Variants in HS3ST4 observed in about 807,000 individuals in gnomAD.
The protein encoded by HS3ST4 is heparan sulfate glucosamine 3-O-sulfotransferase 4.
A neutral mutation model predicts 29.2 loss-of-function variants in HS3ST4; 17 were observed. The observed-to-expected ratio is 0.58, with a 90% CI of 0.40 to 0.87. The LOEUF is 0.87. HS3ST4 is among the 40% of genes least tolerant of loss of function. The pLI is 0.00. For synonymous variants in HS3ST4, 314 were observed against 285.7 expected, an observed-to-expected ratio of 1.10 and a Z score of -1.00; for missense variants, 627 against 634.5, an observed-to-expected ratio of 0.99 and a Z score of 0.13.
chr16:25,909,726 A>AAAGC (rs1968216951), intron 1 of HS3ST4, among the ~76,000 whole-genome samples: 1 of 152,224 alleles, frequency 6.6e-6, no homozygotes, highest in African/African-American at 2.4e-5. Context: ...ACTAGTCTTT[A>AAAGC]TCGTGAGTCT....
At chr16:26,085,877 AAATAATAATAATAATAAT>A (rs57927146) in intron 1 of HS3ST4, among the ~76,000 whole-genome samples, 4 of 146,912 alleles carry the variant, frequency 2.7e-5, no homozygotes, top group African/African-American at 1.0e-4. Context: ...CTGTCTCTTA[AAATAATAATAATAATAAT>A]AATAATAATA....
At chr16:25,759,586 A>G (rs569478351) in intron 1 of HS3ST4, among the ~76,000 whole-genome samples, 200 of 152,230 alleles carry the variant, frequency 1.3e-3, no homozygotes, top group African/African-American at 4.7e-3. Context: ...GAGCCGAAGG[A>G]TGGAGTTCCG....
intron 1 of HS3ST4, among the ~76,000 whole-genome samples, chr16:25,851,317 A>G (rs1208327314): frequency 5.3e-5 from 8 of 152,136 alleles, no homozygotes; most frequent in African/African-American, 1.9e-4. Flanking sequence ...GCATGTTGCA[A>G]GTGGCTGTCA....
chr16:25,996,734 G>T (rs1259833495), intron 1 of HS3ST4, among the ~76,000 whole-genome samples: 1 of 151,738 alleles, frequency 6.6e-6, no homozygotes, highest in Non-Finnish European at 1.5e-5. Context: ...GGCTATTTGG[G>T]GAAACTTATT....
intron 1 of HS3ST4, chr16:25,825,790 C>A (rs780386332): frequency 6.6e-6 from 1 of 152,220 alleles, no homozygotes; most frequent in Non-Finnish European, 1.5e-5. Flanking sequence ...CATCATCATA[C>A]TAGCATTTCT....
chr16:26,026,808 G>A (rs945140495), intron 1 of HS3ST4, among the ~76,000 whole-genome samples: 1 of 152,182 alleles, frequency 6.6e-6, no homozygotes, highest in Non-Finnish European at 1.5e-5. Context: ...ATGAGAAATG[G>A]CACTGGTGCT....
At chr16:25,924,600 T>C (rs1185359142) in intron 1 of HS3ST4, among the ~76,000 whole-genome samples, 1 of 152,248 alleles carries the variant, frequency 6.6e-6, no homozygotes, top group East Asian at 1.9e-4. Flanking sequence ...TTACCCCATT[T>C]AAGCAAAATT....
chr16:25,826,958 G>A (rs1967223633), intron 1 of HS3ST4, among the ~76,000 whole-genome samples: 1 of 151,982 alleles, frequency 6.6e-6, no homozygotes, highest in Non-Finnish European at 1.5e-5. Flanking sequence ...GTGTGCCTTT[G>A]TTTGCAAGTA....
At chr16:25,890,941 TGG>T (rs35546380) in intron 1 of HS3ST4, among the ~76,000 whole-genome samples, 5,136 of 152,128 alleles carry the variant, frequency 0.034, 297 homozygotes, top group African/African-American at 0.12. Context: ...TGAAAATGGA[TGG>T]GGCTGGCTGG....
intron 1 of HS3ST4, among the ~76,000 whole-genome samples, chr16:25,705,745 T>A (rs1966372080): frequency 6.6e-6 from 1 of 152,178 alleles, no homozygotes; most frequent in African/African-American, 2.4e-5. Flanking sequence ...GATTTGAGTC[T>A]GAGTTCTGCA....
chr16:25,879,528 C>T (rs1463046308), intron 1 of HS3ST4, among the ~76,000 whole-genome samples: 2 of 152,024 alleles, frequency 1.3e-5, no homozygotes, highest in African/African-American at 2.4e-5. Flanking sequence ...TCTCCTGAGA[C>T]TTATTCACTG....
chr16:26,103,686 A>G (rs930334701), intron 1 of HS3ST4, among the ~76,000 whole-genome samples: 20 of 152,238 alleles, frequency 1.3e-4, no homozygotes, highest in Admixed American at 1.2e-3. Context: ...CAGCTTAATT[A>G]ATCTAACACT....
At chr16:25,987,747 A>G (rs1969077753) in intron 1 of HS3ST4, among the ~76,000 whole-genome samples, 1 of 151,932 alleles carries the variant, frequency 6.6e-6, no homozygotes, top group Non-Finnish European at 1.5e-5. Flanking sequence ...AGAAACTTAG[A>G]TCTGCAAGAT....
At chr16:25,704,154 C>T (rs1966357146) in intron 1 of HS3ST4, among the ~76,000 whole-genome samples, 1 of 152,210 alleles carries the variant, frequency 6.6e-6, no homozygotes, top group African/African-American at 2.4e-5. Flanking sequence ...ATGTACGATA[C>T]TCCAGGCTTC....
At chr16:26,101,852 T>C (rs1162704618) in intron 1 of HS3ST4, among the ~76,000 whole-genome samples, 3 of 152,212 alleles carry the variant, frequency 2.0e-5, no homozygotes, top group Admixed American at 2.0e-4. Flanking sequence ...TTTATATTCC[T>C]TTGTAATCTC....
intron 1 of HS3ST4, among the ~76,000 whole-genome samples, chr16:25,982,457 T>C (rs1266265429): frequency 6.6e-6 from 1 of 152,196 alleles, no homozygotes; most frequent in Non-Finnish European, 1.5e-5. Flanking sequence ...TGTCTGGATT[T>C]ACTTTTTGGG....
At chr16:26,128,106 A>G (rs1260212874) in intron 1 of HS3ST4, among the ~76,000 whole-genome samples, 1 of 151,232 alleles carries the variant, frequency 6.6e-6, no homozygotes, top group Non-Finnish European at 1.5e-5. Flanking sequence ...TCTCTGTCCC[A>G]TTCCTTTCTG....
At chr16:26,065,086 A>G (rs1305928476) in intron 1 of HS3ST4, among the ~76,000 whole-genome samples, 1 of 152,206 alleles carries the variant, frequency 6.6e-6, no homozygotes, top group Non-Finnish European at 1.5e-5. Flanking sequence ...AGACCTAAAG[A>G]CAGAAAAACC....
At chr16:26,102,081 A>G (rs1898996675) in intron 1 of HS3ST4, among the ~76,000 whole-genome samples, 1 of 152,180 alleles carries the variant, frequency 6.6e-6, no homozygotes, top group Non-Finnish European at 1.5e-5. Context: ...AAAACATTGT[A>G]TTATACAAGA....
Sources: gnomAD v4.1 joint callset for allele counts (sites outside exome capture counted in the v4.1 genomes callset) on GRCh38, gnomAD v4.1.1 for gene constraint, MANE v1.5 for transcripts, NCBI Gene and HGNC (gene_info 2026-07-23, HGNC 2026-07-21) for gene names.